Variants in ARMH4 observed in about 807,000 individuals in gnomAD.
ARMH4 encodes the protein armadillo like helical domain containing 4.
Under a neutral mutation model 61.9 loss-of-function variants are expected in ARMH4, and 49 were observed. The observed-to-expected ratio is 0.79, with a 90% CI of 0.63 to 1.00. The LOEUF is 1.00. ARMH4 is among the 50% of genes least tolerant of loss of function. The pLI is 0.00. For synonymous variants in ARMH4, 368 were observed against 341.5 expected, an observed-to-expected ratio of 1.08 and a Z score of -0.85; for missense variants, 934 against 930.0, an observed-to-expected ratio of 1.00 and a Z score of -0.06.
intron 5 of ARMH4, among the ~76,000 whole-genome samples, chr14:58,041,784 G>A (rs145264073): frequency 6.6e-6 from 1 of 152,070 alleles, no homozygotes; most frequent in South Asian, 2.1e-4. Context: ...AAAAAGAGCA[G>A]GGGTTGCAAT....
chr14:58,120,989 A>G (rs911439576), intron 4 of ARMH4, among the ~76,000 whole-genome samples: 1 of 152,154 alleles, frequency 6.6e-6, no homozygotes, highest in Admixed American at 6.5e-5. Flanking sequence ...GTTAAATAAA[A>G]CCCATCTGAT....
chr14:58,127,770 C>G (rs900068280), intron 4 of ARMH4, among the ~76,000 whole-genome samples: 1 of 152,008 alleles, frequency 6.6e-6, no homozygotes, highest in Non-Finnish European at 1.5e-5. Flanking sequence ...CTGTGTGGTC[C>G]GCACCATGGC....
intron 5 of ARMH4, 62 bp downstream of exon 5, chr14:58,096,662 T>C: frequency 6.5e-7 from 1 of 1,541,990 alleles, no homozygotes; most frequent in South Asian, 1.2e-5. Context: ...AAGAAGGCTG[T>C]CATCTGAGAA....
chr14:58,124,565 C>T (rs1886835185), intron 4 of ARMH4, among the ~76,000 whole-genome samples: 1 of 152,224 alleles, frequency 6.6e-6, no homozygotes, highest in African/African-American at 2.4e-5. Context: ...ACTTAAATAT[C>T]AGGCTCTATT....
At chr14:58,147,315 G>A (rs1887765988) in intron 1 of ARMH4, among the ~76,000 whole-genome samples, 1 of 126,758 alleles carries the variant, frequency 7.9e-6, no homozygotes, top group African/African-American at 3.0e-5. Context: ...CAATCCAGAT[G>A]GTTTTTTTTT....
intron 4 of ARMH4, among the ~76,000 whole-genome samples, chr14:58,127,920 T>C (rs1886957838): frequency 6.6e-6 from 1 of 152,216 alleles, no homozygotes; most frequent in Non-Finnish European, 1.5e-5. Context: ...TCTGTTTTTA[T>C]ATTCTTATCT....
At chr14:58,005,289 T>C in intron 6 of ARMH4, 107 bp from the exon 7 acceptor site, 5 of 1,387,342 alleles carry the variant, frequency 3.6e-6, no homozygotes, top group Non-Finnish European at 4.9e-6. Flanking sequence ...TGAATTCTCC[T>C]GTCTGCTTTG....
At chr14:58,114,413 A>C (rs77440811) in intron 4 of ARMH4, among the ~76,000 whole-genome samples, 3,047 of 152,266 alleles carry the variant, frequency 0.02, 116 homozygotes, top group African/African-American at 0.069. Context: ...TTTGGAATAC[A>C]CCAAGCCAGA....
chr14:58,066,356 T>C (rs1884699496), intron 5 of ARMH4, among the ~76,000 whole-genome samples: 1 of 152,128 alleles, frequency 6.6e-6, no homozygotes, highest in African/African-American at 2.4e-5. Flanking sequence ...GAATCCAGAA[T>C]AGGTAAATCT....
At chr14:58,123,059 C>T (rs534223109) in intron 4 of ARMH4, among the ~76,000 whole-genome samples, 1 of 152,240 alleles carries the variant, frequency 6.6e-6, no homozygotes, top group South Asian at 2.1e-4. Flanking sequence ...TGTCACTATC[C>T]GAGGGGTCCT....
chr14:58,130,432 C>T lies in ARMH4; in HGVS notation c.1831+1080G>A, dbSNP rs143967029. ...TAGACAAAAAAAAATAATAGCACAT[C>T]CTATGTCTCTTACTGCAGCAAACAC... is the stretch of plus-strand genomic sequence containing the variant. On this transcript the variant is annotated intron_variant, in intron 4 of 7. Transcript: ENST00000267485. 7.7e-3 allele frequency among the ~76,000 whole-genome samples: 1,171 copies of T among 152,264 alleles called. 13 individuals carry two copies. Among genetic ancestry groups the T allele is most frequent in the African/African-American group, 0.027 (1,116 of 41,546 alleles).
At chr14:58,123,275 T>C (rs1263026346) in intron 4 of ARMH4, among the ~76,000 whole-genome samples, 2 of 152,126 alleles carry the variant, frequency 1.3e-5, no homozygotes, top group Non-Finnish European at 2.9e-5. Context: ...AAGGAATTAA[T>C]CCTGAAGTCT....
chr14:58,010,670 G>A (rs552087885), intron 6 of ARMH4, among the ~76,000 whole-genome samples: 2 of 152,124 alleles, frequency 1.3e-5, no homozygotes, highest in South Asian at 4.2e-4. Context: ...CCAAGATTTT[G>A]AGACAAGATA....
In ARMH4 at chr14:58,001,441, T is replaced by G. The variant is rs529412317; in HGVS notation, c.*3295A>C. 6.6e-6 allele frequency: 1 copy of G among 152,328 alleles called. No individual in the cohort carries two copies. Among genetic ancestry groups the G allele is most frequent in the Non-Finnish European group, 1.5e-5 (1 of 68,026 alleles). 9.4% of individuals were successfully genotyped at this position (152,328 alleles called of 1,614,324 possible). A position where few individuals can be genotyped will look rare whatever the true frequency, so the allele number is the denominator to read the frequency against. On this transcript the variant is annotated 3_prime_UTR_variant, in exon 8 of 8. Coordinates refer to ENST00000267485, the MANE Select transcript of ARMH4 (RefSeq NM_001001872.4). ...ATGCCCAGAAGTGGGATAGTTGGAT[T>G]ATATAGTAGTTCTATCTTAATTTTT...
chr14:58,068,946 G>T (rs1194005236), intron 5 of ARMH4, among the ~76,000 whole-genome samples: 1 of 150,738 alleles, frequency 6.6e-6, no homozygotes, highest in Non-Finnish European at 1.5e-5. Flanking sequence ...GACGGAGGTT[G>T]CAGTGAGCAA....
Position 58,151,895 on chromosome 14 carries a change from G to A in ARMH4, c.-57+180C>T, listed in dbSNP as rs1184334106. On this transcript the variant is annotated intron_variant, in intron 1 of 7. Transcript: ENST00000267485. ...GCTGCCCCCGCGCACCCCACACCTG[G>A]GCACCGCGCTCCGGAGGAGGATCGG... Among the ~76,000 whole-genome samples, 4 of 152,174 alleles carry A rather than the reference G, an allele frequency of 2.6e-5. No homozygotes were observed. In the East Asian group the frequency reaches 5.8e-4, roughly 22 times the overall value.
At chr14:58,015,869 G>A (rs1032020425) in intron 5 of ARMH4, among the ~76,000 whole-genome samples, 40 of 143,182 alleles carry the variant, frequency 2.8e-4, no homozygotes, top group African/African-American at 1.1e-3. Flanking sequence ...AACATAGCGA[G>A]ACTCCTGCCT....
intron 5 of ARMH4, among the ~76,000 whole-genome samples, chr14:58,084,991 T>G (rs1279291913): frequency 6.6e-6 from 1 of 152,264 alleles, no homozygotes; most frequent in Non-Finnish European, 1.5e-5. Context: ...GCATCCTTTT[T>G]TATGGTCTCA....
intron 5 of ARMH4, among the ~76,000 whole-genome samples, chr14:58,046,153 G>A (rs1474617723): frequency 6.6e-6 from 1 of 152,160 alleles, no homozygotes; most frequent in East Asian, 1.9e-4. Context: ...GCCTCATTAT[G>A]CACATTCCTG....
Sources: allele counts gnomAD v4.1 joint callset (sites outside exome capture counted in the v4.1 genomes callset), GRCh38; gene constraint gnomAD v4.1.1; transcripts MANE v1.5; gene names NCBI Gene and HGNC (gene_info 2026-07-23, HGNC 2026-07-21).